CTNND2: variants seen among roughly 807,000 people sequenced by gnomAD.
CTNND2 encodes catenin delta 2, also known as catenin delta-2.
Under a neutral mutation model 144.4 loss-of-function variants are expected in CTNND2, and 22 were observed. The ratio of observed to expected loss-of-function variants is 0.15; its 90% CI spans 0.11 to 0.22. The LOEUF is 0.22. CTNND2 is among the 10% of genes least tolerant of loss of function. CTNND2 has a pLI of 1.00. For synonymous variants in CTNND2, 751 were observed against 695.6 expected (o/e 1.08, Z -1.25); for missense variants, 1,353 against 1,618.8 (o/e 0.84, Z 2.82).
At chr5:11,148,473 G>A (rs982540830) in intron 12 of CTNND2, among the ~76,000 whole-genome samples, 1 of 152,204 alleles carries the variant, frequency 6.6e-6, no homozygotes, top group Non-Finnish European at 1.5e-5. Flanking sequence ...CCTGCAGGCA[G>A]GTGCATCTGG....
In CTNND2 at chr5:11,347,487, A is replaced by G. The variant is rs1024950151; in HGVS notation, c.1373-860T>C. Among the ~76,000 whole-genome samples the G allele has an allele frequency of 3.9e-5, 6 of 152,282 alleles. No homozygotes were observed. In the South Asian group the frequency reaches 1.2e-3, roughly 32 times the overall value. On this transcript the variant is annotated intron_variant, in intron 8 of 21. Transcript: ENST00000304623. ...TCTTGGATTCTTTTTAGATCCTTTCATGTCATTATTTTTATCTGGTTCTCA... is the reference window on the plus strand; with the variant it reads ...TCTTGGATTCTTTTTAGATCCTTTCGTGTCATTATTTTTATCTGGTTCTCA...
chr5:11,207,849 C>T (rs1351804732), intron 10 of CTNND2, among the ~76,000 whole-genome samples: 3 of 152,146 alleles, frequency 2.0e-5, no homozygotes, highest in Non-Finnish European at 4.4e-5. Context: ...CCAGCCTTAT[C>T]ATTTAACCTT....
chr5:11,245,014 G>A (rs1742849373), intron 9 of CTNND2, among the ~76,000 whole-genome samples: 1 of 152,204 alleles, frequency 6.6e-6, no homozygotes, highest in African/African-American at 2.4e-5. Flanking sequence ...GAAAAATCAA[G>A]TACACAAAAG....
At chr5:11,676,957 G>T (rs1409594291) in intron 2 of CTNND2, among the ~76,000 whole-genome samples, 1 of 152,088 alleles carries the variant, frequency 6.6e-6, no homozygotes, top group Non-Finnish European at 1.5e-5. Flanking sequence ...CTCTTTAAAA[G>T]ATAATCCAAA....
At chr5:11,721,475 G>GA (rs1196971721) in intron 2 of CTNND2, among the ~76,000 whole-genome samples, 2 of 152,166 alleles carry the variant, frequency 1.3e-5, no homozygotes, top group Admixed American at 1.3e-4. Flanking sequence ...GAAAAAATGA[G>GA]TGAATTGGTT....
chr5:11,563,644 C>A (rs1026101893), intron 3 of CTNND2, among the ~76,000 whole-genome samples: 1 of 152,164 alleles, frequency 6.6e-6, no homozygotes, highest in South Asian at 2.1e-4. Flanking sequence ...GAAGCAGATG[C>A]TTTCACATAT....
At chr5:11,901,983 G>C (rs536120436) in intron 1 of CTNND2, among the ~76,000 whole-genome samples, 3 of 152,138 alleles carry the variant, frequency 2.0e-5, no homozygotes, top group African/African-American at 4.8e-5. Context: ...AAGTGCTCTC[G>C]GAAAGTTCCC....
intron 18 of CTNND2, among the ~76,000 whole-genome samples, chr5:11,010,245 G>A (rs769976753): frequency 6.6e-6 from 1 of 152,068 alleles, no homozygotes; most frequent in Non-Finnish European, 1.5e-5. Context: ...CTCTACATTT[G>A]GTAGTTTATT....
chr5:11,410,284 T>G (rs989936436), intron 5 of CTNND2, among the ~76,000 whole-genome samples: 4 of 152,140 alleles, frequency 2.6e-5, no homozygotes, highest in Non-Finnish European at 4.4e-5. Flanking sequence ...AGGATGCATA[T>G]GGGTATAAAT....
intron 1 of CTNND2, among the ~76,000 whole-genome samples, chr5:11,746,227 C>T (rs1258769434): frequency 1.3e-5 from 2 of 152,168 alleles, no homozygotes; most frequent in African/African-American, 2.4e-5. Flanking sequence ...CCTGCGTGTG[C>T]CAATTCAGTT....
At position 10,988,144 on chromosome 5, in the gene CTNND2, C is replaced by T. The variant is rs144660891; in HGVS notation, c.3310G>A (p.Gly1104Ser). The T allele has an allele frequency of 5.3e-5, 85 of 1,614,100 alleles. No homozygotes were observed. In the African/African-American group the frequency reaches 1.0e-3, roughly 20 times the overall value. The change falls in exon 20 of 22, where the codon GGC becomes AGC. Residue 1104 changes from glycine (G) to serine (S), a missense_variant. Physicochemically the swap from Gly to Ser is moderately conservative, Grantham distance 56 (BLOSUM62 0). This residue lies in a region of CTNND2 where 459 missense variants were observed against 674.3 expected (regional missense o/e 0.68). Coordinates refer to ENST00000304623, the MANE Select transcript of CTNND2 (RefSeq NM_001332.4). This position sits in a 1 kb window ranked among gnomAD's most constrained non-coding sequence, Gnocchi z 5.9. Reference protein sequence around the residue: ...GSNATYHGAKGEHTSRKDAMT... With the variant: ...GSNATYHGAKSEHTSRKDAMT... ...GCATCTTTCCTGGAAGTGTGTTCGC[C>T]TTTAGCTCCGTGGTAGGTGGCGTTG...
At chr5:11,855,322 T>C (rs1293210677) in intron 1 of CTNND2, among the ~76,000 whole-genome samples, 1 of 152,122 alleles carries the variant, frequency 6.6e-6, no homozygotes, top group African/African-American at 2.4e-5. Flanking sequence ...CCTGTGTGTA[T>C]AACCTTGGAC....
At chr5:11,597,813 T>G (rs1266049375) in intron 2 of CTNND2, among the ~76,000 whole-genome samples, 3 of 152,116 alleles carry the variant, frequency 2.0e-5, no homozygotes, top group Non-Finnish European at 2.9e-5. Flanking sequence ...GCTCAAGTGA[T>G]TCGTCTGCTC....
chr5:11,752,580 C>T (rs201481424), intron 1 of CTNND2, among the ~76,000 whole-genome samples: 1 of 147,382 alleles, frequency 6.8e-6, no homozygotes, highest in East Asian at 2.0e-4. Context: ...ATGCTGTTTT[C>T]ATTAGTGTAG....
chr5:11,786,189 A>G (rs779058157), intron 1 of CTNND2, among the ~76,000 whole-genome samples: 46 of 152,242 alleles, frequency 3.0e-4, no homozygotes, highest in Non-Finnish European at 5.7e-4. Flanking sequence ...CAGCTGGCAG[A>G]GGACAGGGGC....
intron 2 of CTNND2, among the ~76,000 whole-genome samples, chr5:11,696,149 T>C (rs868427018): frequency 1.3e-4 from 20 of 152,196 alleles, no homozygotes; most frequent in African/African-American, 4.8e-4. Flanking sequence ...TCTCATCTCT[T>C]CTCCAACTGT....
chr5:11,741,011 A>C (rs886742529), intron 1 of CTNND2, among the ~76,000 whole-genome samples: 9 of 152,180 alleles, frequency 5.9e-5, no homozygotes, highest in African/African-American at 2.2e-4. Flanking sequence ...ATCAAAACCA[A>C]AATGAGATAC....
chr5:11,226,218 A>C (rs1040448874), intron 10 of CTNND2, among the ~76,000 whole-genome samples: 1 of 152,182 alleles, frequency 6.6e-6, no homozygotes, highest in Non-Finnish European at 1.5e-5. Flanking sequence ...CATGCCTTAG[A>C]GATCTAGCTC....
At chr5:11,686,653 A>G (rs1373031811) in intron 2 of CTNND2, among the ~76,000 whole-genome samples, 2 of 151,898 alleles carry the variant, frequency 1.3e-5, no homozygotes, top group Non-Finnish European at 2.9e-5. Flanking sequence ...GAAATGTAAT[A>G]AATTTCTAAA....
Sources: gnomAD v4.1 joint callset for allele counts (sites outside exome capture counted in the v4.1 genomes callset) on GRCh38, gnomAD v4.1.1 for gene constraint, gnomAD v4.1.1 regional missense constraint, Gnocchi (gnomAD v3.1) non-coding constraint, MANE v1.5 for transcripts, NCBI Gene and HGNC (gene_info 2026-07-23, HGNC 2026-07-21) for gene names.